VEGFC: variants seen among roughly 807,000 people sequenced by gnomAD.
The protein encoded by VEGFC is FLT4 ligand DHM.
Under a neutral mutation model 46.1 loss-of-function variants are expected in VEGFC, and 12 were observed. The observed-to-expected ratio is 0.26, with a 90% CI of 0.17 to 0.42. The LOEUF (loss-of-function observed/expected upper bound fraction) is 0.42, where lower values mean the gene tolerates loss of function less well. Among genes scored for constraint, VEGFC ranks in the 10% least tolerant of loss-of-function variants. The probability of loss-of-function intolerance (pLI) is 1.00; values close to 1 mark genes in which losing one functional copy is unlikely to be tolerated. For synonymous variants in VEGFC, 232 were observed against 195.5 expected (o/e 1.19, Z -1.56); for missense variants, 488 against 529.4 (o/e 0.92, Z 0.77).
intron 4 of VEGFC, among the ~76,000 whole-genome samples, chr4:176,692,283 A>G (rs182727579): frequency 0.043 from 5,781 of 134,316 alleles, 378 homozygotes; most frequent in Non-Finnish European, 0.059. Flanking sequence ...AGTCCCAGCT[A>G]CTTGGGAGGC....
chr4:176,684,151 T>C, intron 6 of VEGFC, 111 bp from the exon 7 acceptor site: 1 of 805,920 alleles, frequency 1.2e-6, no homozygotes, highest in Non-Finnish European at 2.0e-6. Flanking sequence ...AAATTACTAA[T>C]TTTATGACGA....
chr4:176,707,502 A>G (rs1207053627), intron 4 of VEGFC, among the ~76,000 whole-genome samples: 1 of 152,180 alleles, frequency 6.6e-6, no homozygotes, highest in Non-Finnish European at 1.5e-5. Flanking sequence ...ATTTTCACAA[A>G]GAAAAACAGA....
rs1734898176 is a variant in VEGFC at position 176,727,875 on chromosome 4, A to T, written c.455T>A (p.Phe152Tyr). Reference sequence around the variant, plus strand: ...GTAGACGGACACACATGGAGGTTTAAAGAAGGTGTTTGTCGCGACTCCAAA... The same window carrying T: ...GTAGACGGACACACATGGAGGTTTATAGAAGGTGTTTGTCGCGACTCCAAA... The part of the protein sequence containing the change: ...KEFGVATNTF[F>Y]KPPCVSVYRC... The change falls in exon 3 of 7, where the codon TTT becomes TAT. Residue 152 changes from phenylalanine to tyrosine, a missense_variant. Physicochemically the swap from Phe to Tyr is conservative, Grantham distance 22. Coordinates refer to ENST00000618562, the MANE Select transcript of VEGFC (RefSeq NM_005429.5). The T allele has an allele frequency of 2.5e-6, 4 of 1,613,900 alleles. No individual in the cohort carries two copies. Among genetic ancestry groups the T allele is most frequent in the Non-Finnish European group, 3.4e-6 (4 of 1,179,964 alleles).
At chr4:176,779,663 TG>T (rs1025088440) in intron 1 of VEGFC, among the ~76,000 whole-genome samples, 2 of 86,074 alleles carry the variant, frequency 2.3e-5, no homozygotes, top group African/African-American at 7.2e-5. Flanking sequence ...ACCATGCTCC[TG>T]GAATGACTGC....
chr4:176,743,061 A>G (rs1735203265), intron 1 of VEGFC, among the ~76,000 whole-genome samples: 1 of 152,050 alleles, frequency 6.6e-6, no homozygotes, highest in Admixed American at 6.6e-5. Flanking sequence ...GGCCAGAAAT[A>G]CTCAGTAAGG....
At chr4:176,728,024 G>C in intron 2 of VEGFC, 56 bp from the exon 3 acceptor site, 2 of 1,408,130 alleles carry the variant, frequency 1.4e-6, no homozygotes, top group South Asian at 3.0e-5. Flanking sequence ...GATAAAAAAA[G>C]CCCACAGCAG....
At chr4:176,708,117 T>C (rs1734567447) in intron 4 of VEGFC, among the ~76,000 whole-genome samples, 1 of 151,602 alleles carries the variant, frequency 6.6e-6, no homozygotes, top group South Asian at 2.1e-4. Context: ...TCTCCAAATA[T>C]TTTTAAAGAA....
intron 1 of VEGFC, among the ~76,000 whole-genome samples, chr4:176,784,412 C>A (rs1342004509): frequency 1.3e-5 from 2 of 151,580 alleles, no homozygotes; most frequent in Non-Finnish European, 2.9e-5. Flanking sequence ...ATTAAGCAGG[C>A]ATTAATTATA....
chr4:176,740,075 A>G (rs1735133951), intron 1 of VEGFC, among the ~76,000 whole-genome samples: 1 of 118,046 alleles, frequency 8.5e-6, no homozygotes, highest in East Asian at 2.5e-4. Flanking sequence ...ATAACTATAT[A>G]TTATATATTC....
chr4:176,792,098 T>C lies in VEGFC; in HGVS notation c.147+67A>G, dbSNP rs1736104134. 2.1e-6 allele frequency: 3 copies of C among 1,400,156 alleles called. No individual in the cohort carries two copies. The highest frequency in any genetic ancestry group is 3.0e-5 in the Admixed American group (1 of 33,506). The allele number at this position is 1,400,156 out of a possible 1,614,324, so 86.7% of individuals were successfully genotyped here. ...GCACACACACTTTCCCCCGCGCAGG[T>C]TCTCGGGTCCGCCGCAGACCCTAAC... On this transcript the variant is annotated intron_variant, in intron 1 of 6. Transcript: ENST00000618562. This position sits in a 1 kb window ranked among gnomAD's most constrained non-coding sequence, Gnocchi z 6.3.
chr4:176,695,593 A>C (rs1734297125), intron 4 of VEGFC, among the ~76,000 whole-genome samples: 1 of 152,056 alleles, frequency 6.6e-6, no homozygotes, highest in African/African-American at 2.4e-5. Flanking sequence ...TATTCCAATC[A>C]ATAGAAAAAG....
intron 1 of VEGFC, among the ~76,000 whole-genome samples, chr4:176,782,598 C>T (rs1381101057): frequency 4.0e-5 from 6 of 151,820 alleles, no homozygotes. Context: ...AACATAATAG[C>T]ACTGAACTAT....
At chr4:176,764,833 TCAAA>T (rs1157967109) in intron 1 of VEGFC, among the ~76,000 whole-genome samples, 1 of 151,984 alleles carries the variant, frequency 6.6e-6, no homozygotes, top group East Asian at 1.9e-4. Flanking sequence ...AAATAAAACA[TCAAA>T]CATTCAATCA....
intron 1 of VEGFC, among the ~76,000 whole-genome samples, chr4:176,786,819 T>G (rs1167934543): frequency 6.6e-6 from 1 of 152,210 alleles, no homozygotes; most frequent in Admixed American, 6.5e-5. Flanking sequence ...AGCATCCACA[T>G]GGCTTCTTTC....
chr4:176,703,659 T>C (rs1160396336), intron 4 of VEGFC, among the ~76,000 whole-genome samples: 2 of 152,142 alleles, frequency 1.3e-5, no homozygotes, highest in Non-Finnish European at 2.9e-5. Context: ...TGATAAATGT[T>C]TGAGGTGATG....
At chr4:176,706,402 G>A (rs1734535288) in intron 4 of VEGFC, among the ~76,000 whole-genome samples, 1 of 152,034 alleles carries the variant, frequency 6.6e-6, no homozygotes, top group Non-Finnish European at 1.5e-5. Flanking sequence ...GCCGAGGCGG[G>A]TAGATCACAA....
chr4:176,731,495 G>A (rs2111020291), intron 1 of VEGFC, among the ~76,000 whole-genome samples: 1 of 151,936 alleles, frequency 6.6e-6, no homozygotes, highest in Non-Finnish European at 1.5e-5. Flanking sequence ...AAAAAAAACA[G>A]TGTACAGGTG....
At chr4:176,743,923 T>C (rs1454233038) in intron 1 of VEGFC, among the ~76,000 whole-genome samples, 1 of 151,962 alleles carries the variant, frequency 6.6e-6, no homozygotes, top group Non-Finnish European at 1.5e-5. Flanking sequence ...TCCACACAAA[T>C]TTATCAATAT....
intron 1 of VEGFC, among the ~76,000 whole-genome samples, chr4:176,773,061 A>C (rs1735749352): frequency 6.6e-6 from 1 of 152,184 alleles, no homozygotes; most frequent in Non-Finnish European, 1.5e-5. Flanking sequence ...GCAAAAATGC[A>C]CTTCTACCTG....
Sources: allele counts gnomAD v4.1 joint callset (sites outside exome capture counted in the v4.1 genomes callset), GRCh38; gene constraint gnomAD v4.1.1; non-coding constraint Gnocchi (gnomAD v3.1); transcripts MANE v1.5; gene names NCBI Gene and HGNC (gene_info 2026-07-23, HGNC 2026-07-21).